RFX8: variants seen among roughly 807,000 people sequenced by gnomAD.
The protein encoded by RFX8 is regulatory factor X8, also known as DNA-binding protein RFX8.
A neutral mutation model predicts 54.6 loss-of-function variants in RFX8; 46 were observed. The ratio of observed to expected loss-of-function variants is 0.84; its 90% CI spans 0.67 to 1.08. The LOEUF is 1.08. Among genes scored for constraint, RFX8 ranks in the 50% least tolerant of loss-of-function variants. The pLI, the probability that RFX8 is intolerant of heterozygous loss-of-function variation, is 0.00. For synonymous variants in RFX8, 192 were observed against 209.5 expected (o/e 0.92, Z 0.72); for missense variants, 536 against 562.3 (o/e 0.95, Z 0.47).
intron 2 of RFX8, among the ~76,000 whole-genome samples, chr2:101,431,275 T>C (rs932567555): frequency 6.6e-6 from 1 of 152,196 alleles, no homozygotes; most frequent in African/African-American, 2.4e-5. Context: ...TTATAGCCTA[T>C]TGGGGAGGAA....
chr2:101,470,931 G>A (rs187841675), intron 1 of RFX8, among the ~76,000 whole-genome samples: 2,004 of 150,574 alleles, frequency 0.013, 53 homozygotes, highest in African/African-American at 0.045. Context: ...GTGTTAGCCA[G>A]GATGGTCTTG....
At chr2:101,405,059 G>C (rs543754047) in intron 10 of RFX8, among the ~76,000 whole-genome samples, 2 of 152,190 alleles carry the variant, frequency 1.3e-5, no homozygotes, top group East Asian at 3.9e-4. Context: ...GCCCAGGAAG[G>C]TGCCTGGGAA....
intron 2 of RFX8, among the ~76,000 whole-genome samples, chr2:101,434,476 C>T (rs1435387362): frequency 2.0e-5 from 3 of 152,172 alleles, no homozygotes; most frequent in African/African-American, 4.8e-5. Context: ...AAGACATCCA[C>T]GATCACCTTC....
intron 1 of RFX8, among the ~76,000 whole-genome samples, chr2:101,467,994 G>T (rs1689674653): frequency 6.6e-6 from 1 of 152,122 alleles, no homozygotes; most frequent in Non-Finnish European, 1.5e-5. Context: ...TGGGTATTTT[G>T]CTCTAGATGG....
chr2:101,406,027 AT>A lies in RFX8; in HGVS notation c.843del (p.Lys281AsnfsTer8), dbSNP rs1484694276. 3 of 1,548,374 alleles carry A rather than the reference AT, an allele frequency of 1.9e-6. No individual in the cohort carries two copies. The highest frequency in any genetic ancestry group is 4.0e-5 in the Admixed American group (2 of 50,510). ...CATCTCAGCTGGAAGCTGGCGGCCAATTTGGTAAACTCTTCTTTGCTTCTGC... is the reference window on the plus strand; with the variant it reads ...CATCTCAGCTGGAAGCTGGCGGCCAATTGGTAAACTCTTCTTTGCTTCTGC... Reference protein sequence around the residue: ...QTSRSKEEFTKLAASFQLRWN... With the variant: ...QTSRSKEEFTXLAASFQLRWN... On this transcript the variant is annotated frameshift_variant, in exon 10 of 12. Coordinates refer to ENST00000428343, the MANE Select transcript of RFX8 (RefSeq NM_001145664.2). LOFTEE classifies it high-confidence loss of function.
intron 2 of RFX8, among the ~76,000 whole-genome samples, chr2:101,428,160 G>A (rs147490434): frequency 6.6e-6 from 1 of 152,290 alleles, no homozygotes; most frequent in East Asian, 1.9e-4. Context: ...CGGCGTGGTT[G>A]CAGGCACCTG....
chr2:101,402,807 A>T, intron 10 of RFX8, 55 bp from the exon 11 acceptor site: 1 of 1,442,760 alleles, frequency 6.9e-7, no homozygotes, highest in Non-Finnish European at 9.3e-7. Flanking sequence ...ACAATAAACA[A>T]ATCATTGTGA....
At chr2:101,474,111 G>A (rs1690163773) in intron 1 of RFX8, 1 of 527,156 alleles carries the variant, frequency 1.9e-6, no homozygotes, top group Non-Finnish European at 3.3e-6. Flanking sequence ...GCTTTGACCC[G>A]GCGTCCCGAG....
intron 2 of RFX8, among the ~76,000 whole-genome samples, chr2:101,452,091 G>A (rs1260870612): frequency 6.6e-6 from 1 of 152,160 alleles, no homozygotes; most frequent in East Asian, 1.9e-4. Flanking sequence ...ATTATTTGAT[G>A]TGTGTTAATT....
intron 7 of RFX8, among the ~76,000 whole-genome samples, chr2:101,413,908 G>A (rs1469891080): frequency 6.6e-6 from 1 of 152,110 alleles, no homozygotes; most frequent in African/African-American, 2.4e-5. Flanking sequence ...CCAGCTCGGG[G>A]TCATGGAAGC....
chr2:101,469,136 A>ACATAT (rs1176824096), intron 1 of RFX8, among the ~76,000 whole-genome samples: 2 of 130,644 alleles, frequency 1.5e-5, no homozygotes, highest in African/African-American at 5.9e-5. Context: ...ATATATATAT[A>ACATAT]AGTATATATA....
intron 2 of RFX8, among the ~76,000 whole-genome samples, chr2:101,450,121 T>A (rs968764827): frequency 2.0e-5 from 3 of 152,178 alleles, no homozygotes; most frequent in African/African-American, 7.2e-5. Context: ...AATGTTGATG[T>A]GATATGTGTG....
intron 1 of RFX8, among the ~76,000 whole-genome samples, chr2:101,473,553 G>A (rs1690129009): frequency 2.0e-5 from 3 of 152,082 alleles, no homozygotes; most frequent in Non-Finnish European, 4.4e-5. Context: ...AGTCTTCCCT[G>A]AGAAATATGC....
chr2:101,402,727 C>T lies in RFX8; in HGVS notation c.954G>A (p.Leu318=). ...GTATATGAATCATATATTCCAAAAGCAACAAGTGAAACAGATGCCAGGAGC... is the reference window on the plus strand; with the variant it reads ...GTATATGAATCATATATTCCAAAAGTAACAAGTGAAACAGATGCCAGGAGC... ...SFGSWHLFHL[L]LLEYMIHILQ... Residue 318 remains leucine (L), a synonymous_variant, in exon 11 of 12, where the codon TTG becomes TTA. Coordinates refer to ENST00000428343, the MANE Select transcript of RFX8 (RefSeq NM_001145664.2). 1 of 1,548,512 alleles carries T rather than the reference C, an allele frequency of 6.5e-7. No homozygotes were observed. The highest frequency in any genetic ancestry group is 8.7e-7 in the Non-Finnish European group (1 of 1,144,002).
intron 5 of RFX8, among the ~76,000 whole-genome samples, chr2:101,418,010 C>T (rs1686635508): frequency 1.3e-5 from 2 of 152,186 alleles, no homozygotes; most frequent in Non-Finnish European, 2.9e-5. Flanking sequence ...CTACCTCAGC[C>T]TCCCAAGTAG....
intron 2 of RFX8, among the ~76,000 whole-genome samples, chr2:101,453,350 G>C (rs954199609): frequency 5.3e-5 from 8 of 150,818 alleles, no homozygotes; most frequent in African/African-American, 1.7e-4. Context: ...TTTAAATCTC[G>C]ATGTTGGCCA....
At chr2:101,465,267 C>T (rs1413696715) in intron 2 of RFX8, among the ~76,000 whole-genome samples, 1 of 152,140 alleles carries the variant, frequency 6.6e-6, no homozygotes, top group Non-Finnish European at 1.5e-5. Context: ...AATCCCAGCA[C>T]TTAGGGAGGC....
chr2:101,464,371 G>A lies in RFX8; in HGVS notation c.72+2406C>T, dbSNP rs989324415. Among the ~76,000 whole-genome samples the A allele has an allele frequency of 2.6e-5, 4 of 152,238 alleles. No individual in the cohort carries two copies. The East Asian group carries it at 7.7e-4, about 29-fold the overall frequency. On this transcript the variant is annotated intron_variant, in intron 2 of 11. Coordinates refer to ENST00000428343, the MANE Select transcript of RFX8 (RefSeq NM_001145664.2). Reference sequence around the variant, plus strand: ...CCCTAATCCATGTAAAATATCACTTGTACCAGGAATGAGTCTTACCCATCA... The same window carrying A: ...CCCTAATCCATGTAAAATATCACTTATACCAGGAATGAGTCTTACCCATCA...
chr2:101,453,730 C>T (rs1358562082), intron 2 of RFX8, among the ~76,000 whole-genome samples: 3 of 152,094 alleles, frequency 2.0e-5, no homozygotes, highest in Non-Finnish European at 4.4e-5. Context: ...ACTTTCTTCC[C>T]TCAACATTAT....
Sources: gnomAD v4.1 joint callset for allele counts (sites outside exome capture counted in the v4.1 genomes callset) on GRCh38, gnomAD v4.1.1 for gene constraint, MANE v1.5 for transcripts, NCBI Gene and HGNC (gene_info 2026-07-23, HGNC 2026-07-21) for gene names.